The following PBX3 variants were observed in gnomAD, a reference collection of about 807,000 sequenced individuals.
PBX3 encodes the protein pre-B-cell leukemia transcription factor 3.
Under a neutral mutation model 48.5 loss-of-function variants are expected in PBX3, and 14 were observed. The ratio of observed to expected loss-of-function variants is 0.29; its 90% CI spans 0.19 to 0.45. PBX3 has a LOEUF of 0.45. Among genes scored for constraint, PBX3 ranks in the 20% least tolerant of loss-of-function variants. PBX3 has a pLI of 1.00. For synonymous variants in PBX3, 210 were observed against 200.3 expected (o/e 1.05, Z -0.41); for missense variants, 386 against 546.7 (o/e 0.71, Z 2.93).
At chr9:125,924,349 T>C (rs1246254036) in intron 3 of PBX3, among the ~76,000 whole-genome samples, 1 of 152,238 alleles carries the variant, frequency 6.6e-6, no homozygotes, top group East Asian at 1.9e-4. Context: ...TCAACTGTTG[T>C]CATATGGTTG....
intron 2 of PBX3, among the ~76,000 whole-genome samples, chr9:125,858,525 G>A: frequency 6.6e-6 from 1 of 151,396 alleles, no homozygotes; most frequent in Non-Finnish European, 1.5e-5. Flanking sequence ...TGGAATCAGT[G>A]AATTTAAATG....
intron 5 of PBX3, among the ~76,000 whole-genome samples, chr9:125,938,776 G>A (rs1841894110): frequency 6.6e-6 from 1 of 152,222 alleles, no homozygotes; most frequent in South Asian, 2.1e-4. Context: ...ACTGGATTCT[G>A]TACTGTGGGG....
chr9:125,902,997 A>G (rs1367986140), intron 2 of PBX3, among the ~76,000 whole-genome samples: 1 of 151,774 alleles, frequency 6.6e-6, no homozygotes, highest in African/African-American at 2.4e-5. Flanking sequence ...TTAGAACCCA[A>G]TACTGTCAGA....
intron 2 of PBX3, among the ~76,000 whole-genome samples, chr9:125,773,146 G>A (rs1224982834): frequency 6.6e-6 from 1 of 152,118 alleles, no homozygotes; most frequent in East Asian, 1.9e-4. Flanking sequence ...TGGAAACTTA[G>A]AAGGAATATA....
chr9:125,891,812 C>A (rs1259867294), intron 2 of PBX3, among the ~76,000 whole-genome samples: 1 of 152,144 alleles, frequency 6.6e-6, no homozygotes, highest in East Asian at 1.9e-4. Context: ...TGTTTCTATT[C>A]TATTTAAGAG....
intron 2 of PBX3, among the ~76,000 whole-genome samples, chr9:125,906,970 A>G (rs577441252): frequency 1.6e-4 from 24 of 152,114 alleles, no homozygotes; most frequent in Non-Finnish European, 2.9e-4. Context: ...CAACAGCACC[A>G]TTTACTTTCT....
chr9:125,901,344 C>T (rs1840940785), intron 2 of PBX3, among the ~76,000 whole-genome samples: 1 of 151,582 alleles, frequency 6.6e-6, no homozygotes, highest in South Asian at 2.1e-4. Context: ...ATATGAAAAA[C>T]TGAATGAGTA....
intron 2 of PBX3, among the ~76,000 whole-genome samples, chr9:125,855,573 A>G (rs1839698679): frequency 6.6e-6 from 1 of 152,128 alleles, no homozygotes. Flanking sequence ...CAAATTTTAG[A>G]TGTCATGTTG....
chr9:125,914,687 G>A (rs1841286787), intron 2 of PBX3, among the ~76,000 whole-genome samples: 1 of 152,226 alleles, frequency 6.6e-6, no homozygotes, highest in Non-Finnish European at 1.5e-5. Flanking sequence ...CTTGTAACTA[G>A]TGTAGGGAAC....
intron 2 of PBX3, chr9:125,748,912 C>T (rs1836288776): frequency 3.3e-6 from 1 of 303,214 alleles, no homozygotes; most frequent in East Asian, 5.8e-5. Flanking sequence ...CAGCCGCCCT[C>T]TTCCCTCTCC....
chr9:125,807,190 G>A (rs989087387), intron 2 of PBX3, among the ~76,000 whole-genome samples: 8 of 152,104 alleles, frequency 5.3e-5, no homozygotes, highest in South Asian at 2.1e-4. Context: ...TGGGTGTGGT[G>A]GCATGTGCCT....
chr9:125,937,017 G>A (rs1197304103), intron 5 of PBX3, among the ~76,000 whole-genome samples: 1 of 152,200 alleles, frequency 6.6e-6, no homozygotes, highest in Non-Finnish European at 1.5e-5. Context: ...ACCGGATGAT[G>A]ATGCCACGCC....
chr9:125,789,521 C>G (rs367825594), intron 2 of PBX3, among the ~76,000 whole-genome samples: 2 of 152,224 alleles, frequency 1.3e-5, no homozygotes, highest in East Asian at 3.8e-4. Flanking sequence ...GGGCAGCTTA[C>G]AGCATGGCAG....
intron 2 of PBX3, among the ~76,000 whole-genome samples, chr9:125,857,757 G>A (rs1200655565): frequency 6.6e-6 from 1 of 152,100 alleles, no homozygotes; most frequent in Admixed American, 6.6e-5. Context: ...AAATAATAAA[G>A]CCTATTTTCA....
intron 2 of PBX3, among the ~76,000 whole-genome samples, chr9:125,883,679 G>A (rs1348487456): frequency 6.6e-6 from 1 of 152,030 alleles, no homozygotes; most frequent in Non-Finnish European, 1.5e-5. Context: ...TTCAAACTGT[G>A]ATGGGGAAAG....
At chr9:125,789,903 G>T (rs1165784400) in intron 2 of PBX3, among the ~76,000 whole-genome samples, 1 of 152,206 alleles carries the variant, frequency 6.6e-6, no homozygotes, top group African/African-American at 2.4e-5. Context: ...TGGTTTGTGT[G>T]TTAGAAGCTT....
At chr9:125,878,272 G>C (rs1040154459) in intron 2 of PBX3, among the ~76,000 whole-genome samples, 6 of 152,182 alleles carry the variant, frequency 3.9e-5, no homozygotes, top group Admixed American at 3.3e-4. Flanking sequence ...ACAGCTTGGA[G>C]GGGGGTAAGA....
intron 2 of PBX3, among the ~76,000 whole-genome samples, chr9:125,775,593 A>T (rs1837051305): frequency 2.0e-5 from 3 of 152,170 alleles, no homozygotes; most frequent in Non-Finnish European, 1.5e-5. Context: ...GTTCTATTTC[A>T]TTGATCCATA....
At chr9:125,901,093 A>G (rs1189593535) in intron 2 of PBX3, among the ~76,000 whole-genome samples, 1 of 151,750 alleles carries the variant, frequency 6.6e-6, no homozygotes. Flanking sequence ...GAAAACTGAA[A>G]GAAAATTTAA....
Sources: gnomAD v4.1 joint callset for allele counts (sites outside exome capture counted in the v4.1 genomes callset) on GRCh38, gnomAD v4.1.1 for gene constraint, MANE v1.5 for transcripts, NCBI Gene and HGNC (gene_info 2026-07-23, HGNC 2026-07-21) for gene names.